The following FAM151B variants were observed in gnomAD, a reference collection of about 807,000 sequenced individuals.
FAM151B encodes protein FAM151B.
In FAM151B, 24 loss-of-function variants were observed where a neutral mutation model predicts 31.2. That is an observed-to-expected ratio of 0.77 (90% CI 0.56 to 1.08). The LOEUF (loss-of-function observed/expected upper bound fraction) is 1.08. Among genes scored for constraint, FAM151B ranks in the 50% least tolerant of loss-of-function variants. The pLI is 0.00. For synonymous variants in FAM151B, 105 were observed against 111.4 expected (o/e 0.94, Z 0.36); for missense variants, 293 against 328.6 (o/e 0.89, Z 0.84).
chr5:80,515,917 A>G, intron 3 of FAM151B, among the ~76,000 whole-genome samples: 1 of 152,214 alleles, frequency 6.6e-6, no homozygotes. Flanking sequence ...CACACTTTTA[A>G]CCAGAATGCT....
At chr5:80,515,100 G>A (rs1744364697) in intron 3 of FAM151B, among the ~76,000 whole-genome samples, 1 of 152,018 alleles carries the variant, frequency 6.6e-6, no homozygotes. Flanking sequence ...AATTAGCCAG[G>A]CATGGTGGTG....
rs1385364431 is a variant in FAM151B at position 80,538,545 on chromosome 5, C to T, written c.672-3128C>T. ...CCTTCCTTCCTTCCTTCCTTCCTTC[C>T]TTCCTTCCTTCCTTCCTTCCTTCCT... On this transcript the variant is annotated intron_variant, in intron 5 of 5. Coordinates refer to ENST00000282226, the MANE Select transcript of FAM151B (RefSeq NM_205548.3). Among the ~76,000 whole-genome samples, 265 of 130,822 alleles carry T rather than the reference C, an allele frequency of 2.0e-3. 7 individuals are homozygous for T. The highest frequency in any genetic ancestry group is 7.5e-3 in the African/African-American group (249 of 33,374). 85.8% of individuals were successfully genotyped at this position (130,822 alleles called of 152,430 possible).
chr5:80,538,436 C>G (rs1157739383), intron 5 of FAM151B, among the ~76,000 whole-genome samples: 2 of 59,684 alleles, frequency 3.4e-5, no homozygotes, highest in African/African-American at 1.8e-4. Flanking sequence ...TTCTTTCTTT[C>G]TTTCTTTCTT....
intron 5 of FAM151B, among the ~76,000 whole-genome samples, chr5:80,529,252 AT>A (rs1436672384): frequency 6.6e-6 from 1 of 152,208 alleles, no homozygotes; most frequent in African/African-American, 2.4e-5. Context: ...GTAGAGGGAA[AT>A]TTATAGCACT....
chr5:80,524,622 G>A (rs1327958131), intron 5 of FAM151B, among the ~76,000 whole-genome samples: 2 of 152,038 alleles, frequency 1.3e-5, no homozygotes, highest in African/African-American at 4.8e-5. Context: ...TTCTTATATT[G>A]TTTGAGATAG....
Position 80,519,815 on chromosome 5 carries a change from C to G in FAM151B, c.440C>G (p.Ala147Gly), listed in dbSNP as rs765923839. ...GPNGNSKVID[A>G]KPFLDTVISF... ...AATGGAAATAGCAAAGTAATAGATG[C>G]AAAACCATTTTTAGACACCGTGATA... The change falls in exon 4 of 6, where the codon GCA becomes GGA. Residue 147 changes from alanine (A) to glycine (G), a missense_variant. Transcript: ENST00000282226. 1 of 1,614,088 alleles carries G rather than the reference C, an allele frequency of 6.2e-7. No homozygotes were observed. Among genetic ancestry groups the G allele is most frequent in the South Asian group, 1.1e-5 (1 of 91,084 alleles).
chr5:80,488,853 T>G (rs971073354), intron 1 of FAM151B, among the ~76,000 whole-genome samples: 2 of 152,112 alleles, frequency 1.3e-5, no homozygotes, highest in South Asian at 4.1e-4. Flanking sequence ...GAATAAAATG[T>G]GTGTGTAAGC....
Position 80,542,126 on chromosome 5 carries a change from C to T in FAM151B, c.*294C>T. The T allele has an allele frequency of 3.5e-6, 1 of 287,196 alleles. No homozygotes were observed. Among genetic ancestry groups the T allele is most frequent in the Non-Finnish European group, 6.4e-6 (1 of 155,304 alleles). 17.8% of individuals were successfully genotyped at this position (287,196 alleles called of 1,614,324 possible). The stretch of plus-strand genomic sequence containing the variant: ...GTTTTGATAAACTAAAGATGATTGG[C>T]AGAATCCATATGTCATAAAACAGGT... On this transcript the variant is annotated 3_prime_UTR_variant, in exon 6 of 6. Coordinates refer to ENST00000282226, the MANE Select transcript of FAM151B (RefSeq NM_205548.3).
Position 80,508,899 on chromosome 5 carries a change from TG to T in FAM151B, c.152-4703del, listed in dbSNP as rs1273500994. Among the ~76,000 whole-genome samples, 3 of 152,264 alleles carry T rather than the reference TG, an allele frequency of 2.0e-5. No individual in the cohort carries two copies. The South Asian group carries it at 6.2e-4, about 32-fold the overall frequency. On this transcript the variant is annotated intron_variant, in intron 2 of 5. Transcript: ENST00000282226. ...ATAAAGGGTCATATGGTTGTACCCTTGGCTTGATATTGACACTGAGGCCATG... is the reference window on the plus strand; with the variant it reads ...ATAAAGGGTCATATGGTTGTACCCTTGCTTGATATTGACACTGAGGCCATG...
intron 2 of FAM151B, among the ~76,000 whole-genome samples, chr5:80,511,520 T>C (rs1744187363): frequency 6.6e-6 from 1 of 151,848 alleles, no homozygotes; most frequent in Non-Finnish European, 1.5e-5. Context: ...TGGAGTACAC[T>C]TGTGCGATTA....
chr5:80,506,122 T>C (rs1393251296), intron 2 of FAM151B: 1 of 985,224 alleles, frequency 1.0e-6, no homozygotes, highest in African/African-American at 1.7e-5. Context: ...TGGTTCCATT[T>C]GTAGCTCCAG....
At chr5:80,507,137 A>G (rs796080996) in intron 2 of FAM151B, among the ~76,000 whole-genome samples, 2 of 143,814 alleles carry the variant, frequency 1.4e-5, no homozygotes, top group East Asian at 4.1e-4. Context: ...AAAAAAAAAA[A>G]TGTGCTGGAC....
At chr5:80,513,298 T>C (rs1481191429) in intron 2 of FAM151B, among the ~76,000 whole-genome samples, 2 of 152,226 alleles carry the variant, frequency 1.3e-5, no homozygotes, top group African/African-American at 4.8e-5. Context: ...CAAATACTTA[T>C]TAAGCCTTTC....
intron 1 of FAM151B, among the ~76,000 whole-genome samples, chr5:80,490,120 G>A (rs1743268793): frequency 6.6e-6 from 1 of 151,926 alleles, no homozygotes; most frequent in Non-Finnish European, 1.5e-5. Flanking sequence ...CTGGCCGGGC[G>A]TGGTGGTTTA....
Position 80,538,570 on chromosome 5 carries a change from TTCCC to T in FAM151B, c.672-3097_672-3094del, listed in dbSNP as rs1227975292. 6.3e-3 allele frequency among the ~76,000 whole-genome samples: 746 copies of T among 118,858 alleles called. 4 individuals carry two copies. The highest frequency in any genetic ancestry group is 0.011 in the Non-Finnish European group (597 of 56,236). The allele number at this position is 118,858 out of a possible 152,430, so 78.0% of individuals were successfully genotyped here. A position where few individuals can be genotyped will look rare whatever the true frequency, so the allele number is the denominator to read the frequency against. On this transcript the variant is annotated intron_variant, in intron 5 of 5. Transcript: ENST00000282226. The stretch of plus-strand genomic sequence containing the variant: ...CTTCCTTCCTTCCTTCCTTCCTTCC[TTCCC>T]TCCCTTCCTTTCCTCCTTTCTTTCT...
intron 1 of FAM151B, chr5:80,495,149 A>T (rs1237265852): frequency 6.6e-6 from 1 of 152,192 alleles, no homozygotes; most frequent in Non-Finnish European, 1.5e-5. Context: ...CTCAGGAAAA[A>T]AAATATTTCT....
At chr5:80,538,432 CTTTCTT>C (rs1227907316) in intron 5 of FAM151B, among the ~76,000 whole-genome samples, 2 of 58,730 alleles carry the variant, frequency 3.4e-5, no homozygotes, top group African/African-American at 9.0e-5. Flanking sequence ...TTCTTTCTTT[CTTTCTT>C]TCTTTCTTTC....
At chr5:80,496,533 C>T (rs147307621) in intron 1 of FAM151B, among the ~76,000 whole-genome samples, 9 of 152,168 alleles carry the variant, frequency 5.9e-5, no homozygotes, top group African/African-American at 2.2e-4. Context: ...CATAACTGAA[C>T]CTTCTATCTC....
chr5:80,536,606 G>A (rs1373658014), intron 5 of FAM151B, among the ~76,000 whole-genome samples: 1 of 152,144 alleles, frequency 6.6e-6, no homozygotes, highest in Non-Finnish European at 1.5e-5. Context: ...GATGTTTGTT[G>A]CAGCACTATT....
Sources: gnomAD v4.1 joint callset for allele counts (sites outside exome capture counted in the v4.1 genomes callset) on GRCh38, gnomAD v4.1.1 for gene constraint, MANE v1.5 for transcripts, NCBI Gene and HGNC (gene_info 2026-07-23, HGNC 2026-07-21) for gene names.